The following COL5A2 variants were observed in gnomAD, a reference collection of about 807,000 sequenced individuals.
COL5A2 encodes collagen type V alpha 2 chain, also known as collagen alpha-2(V) chain.
In COL5A2, 23 loss-of-function variants were observed where a neutral mutation model predicts 208.2. The observed-to-expected ratio is 0.11, with a 90% CI of 0.08 to 0.16. COL5A2 has a LOEUF of 0.16. COL5A2 is among the 10% of genes least tolerant of loss of function. The pLI is 1.00. For missense variants in COL5A2, 1,590 were observed against 1,956.4 expected, an observed-to-expected ratio of 0.81 and a Z score of 3.53; for synonymous variants, 625 against 628.5, an observed-to-expected ratio of 0.99 and a Z score of 0.08.
upstream of COL5A2, among the ~76,000 whole-genome samples, chr2:189,182,576 C>G (rs13031775): frequency 4.2e-3 from 643 of 152,068 alleles, 2 homozygotes; most frequent in Admixed American, 8.5e-3. Context: ...TGAGTAAGCA[C>G]CAAAAATCAC....
At chr2:189,268,031 C>T in the COL5A2 span, among the ~76,000 whole-genome samples, 1 of 152,056 alleles carries the variant, frequency 6.6e-6, no homozygotes, top group Non-Finnish European at 1.5e-5. Flanking sequence ...ATATGTTTCC[C>T]TATCCCAAAG....
At chr2:189,117,339 T>C (rs1464264891) in intron 1 of COL5A2, among the ~76,000 whole-genome samples, 1 of 152,182 alleles carries the variant, frequency 6.6e-6, no homozygotes, top group Non-Finnish European at 1.5e-5. Context: ...CTATAATCTA[T>C]ACACTAGAAA....
the COL5A2 span, among the ~76,000 whole-genome samples, chr2:189,258,337 T>C: frequency 6.6e-6 from 1 of 152,186 alleles, no homozygotes; most frequent in Non-Finnish European, 1.5e-5. Context: ...CACTGGTCCA[T>C]AAAAACTAAA....
chr2:189,393,925 C>T, the COL5A2 span, among the ~76,000 whole-genome samples: 3 of 152,174 alleles, frequency 2.0e-5, no homozygotes, highest in Admixed American at 1.3e-4. Flanking sequence ...CCTTAAAAGA[C>T]GTTCTGTCCA....
the COL5A2 span, among the ~76,000 whole-genome samples, chr2:189,356,712 C>G: frequency 6.6e-6 from 1 of 152,118 alleles, no homozygotes; most frequent in Non-Finnish European, 1.5e-5. Flanking sequence ...TTGTTATTAC[C>G]CACCTTCTGA....
At chr2:189,122,770 G>T (rs1687531939) in intron 1 of COL5A2, among the ~76,000 whole-genome samples, 1 of 152,128 alleles carries the variant, frequency 6.6e-6, no homozygotes. Flanking sequence ...ATAAAAGAAT[G>T]TATAAGAAGC....
At chr2:189,193,297 G>T (rs1688953554) in intron 1 of COL5A2, among the ~76,000 whole-genome samples, 1 of 152,112 alleles carries the variant, frequency 6.6e-6, no homozygotes, top group Admixed American at 6.6e-5. Context: ...TGAACTAAAA[G>T]AAGAACAAAT....
chr2:189,156,843 A>C (rs893352071), intron 1 of COL5A2, among the ~76,000 whole-genome samples: 2 of 152,092 alleles, frequency 1.3e-5, no homozygotes, highest in African/African-American at 4.8e-5. Context: ...AGCGAATATA[A>C]TAAGCATATA....
the COL5A2 span, among the ~76,000 whole-genome samples, chr2:189,386,707 C>G: frequency 6.6e-6 from 1 of 152,008 alleles, no homozygotes; most frequent in Non-Finnish European, 1.5e-5. Flanking sequence ...AAGTGGCCAA[C>G]AAACATATGA....
the COL5A2 span, among the ~76,000 whole-genome samples, chr2:189,435,120 C>T: frequency 6.6e-6 from 1 of 152,128 alleles, no homozygotes; most frequent in Non-Finnish European, 1.5e-5. Flanking sequence ...ACTGGCTAGC[C>T]ATATGTAGAA....
chr2:189,049,827 C>T (rs1685747278), intron 43 of COL5A2, among the ~76,000 whole-genome samples: 1 of 152,292 alleles, frequency 6.6e-6, no homozygotes, highest in South Asian at 2.1e-4. Flanking sequence ...TTTGATCTCA[C>T]TCTTGAGAGA....
At chr2:189,200,308 G>A (rs951993314) in intron 1 of COL5A2, among the ~76,000 whole-genome samples, 2 of 152,140 alleles carry the variant, frequency 1.3e-5, no homozygotes, top group African/African-American at 4.8e-5. Flanking sequence ...ATTGCTCAAA[G>A]CTGTTAGATA....
At chr2:189,405,498 G>T in the COL5A2 span, among the ~76,000 whole-genome samples, 1 of 152,158 alleles carries the variant, frequency 6.6e-6, no homozygotes, top group Admixed American at 6.5e-5. Context: ...ACAAAATGCT[G>T]GGATTATAGG....
At chr2:189,315,604 G>GAA in the COL5A2 span, among the ~76,000 whole-genome samples, 2 of 152,054 alleles carry the variant, frequency 1.3e-5, no homozygotes, top group East Asian at 3.9e-4. Context: ...GAGAAAGAAA[G>GAA]AAAGGGTATT....
the COL5A2 span, among the ~76,000 whole-genome samples, chr2:189,386,654 T>C: frequency 1.3e-5 from 2 of 152,042 alleles, no homozygotes; most frequent in East Asian, 3.9e-4. Flanking sequence ...CATTAAAAAG[T>C]AGGCAAAGGA....
chr2:189,230,960 T>C, the COL5A2 span, among the ~76,000 whole-genome samples: 1 of 151,898 alleles, frequency 6.6e-6, no homozygotes, highest in South Asian at 2.1e-4. Context: ...TCAAAAAATG[T>C]AGGTGTATAC....
At chr2:189,275,552 C>T in the COL5A2 span, among the ~76,000 whole-genome samples, 4 of 150,374 alleles carry the variant, frequency 2.7e-5, no homozygotes, top group Non-Finnish European at 5.9e-5. Flanking sequence ...CTTCTGGGTT[C>T]AAGTGATTCT....
At chr2:189,114,807 G>T (rs765216091) in intron 1 of COL5A2, among the ~76,000 whole-genome samples, 1 of 151,734 alleles carries the variant, frequency 6.6e-6, no homozygotes, top group Non-Finnish European at 1.5e-5. Flanking sequence ...AATGGCACAC[G>T]TTTACCTATG....
At chr2:189,099,046 T>A (rs968197134) in intron 4 of COL5A2, among the ~76,000 whole-genome samples, 1 of 152,220 alleles carries the variant, frequency 6.6e-6, no homozygotes, top group African/African-American at 2.4e-5. Context: ...GACTTTGGAC[T>A]AATTACTTAT....
Sources: allele counts gnomAD v4.1 joint callset (sites outside exome capture counted in the v4.1 genomes callset), GRCh38; gene constraint gnomAD v4.1.1; transcripts MANE v1.5; gene names NCBI Gene and HGNC (gene_info 2026-07-23, HGNC 2026-07-21).